GNAQ: variants seen among roughly 807,000 people sequenced by gnomAD.
GNAQ encodes G protein subunit alpha q.
Under a neutral mutation model 43.9 loss-of-function variants are expected in GNAQ, and 8 were observed. The ratio of observed to expected loss-of-function variants is 0.18; its 90% CI spans 0.11 to 0.33. GNAQ has a LOEUF of 0.33. GNAQ is among the 10% of genes least tolerant of loss of function. The pLI is 1.00. For synonymous variants in GNAQ, 155 were observed against 170.7 expected (o/e 0.91, Z 0.71); for missense variants, 158 against 450.8 (o/e 0.35, Z 5.88).
intron 1 of GNAQ, among the ~76,000 whole-genome samples, chr9:77,927,115 C>T (rs991540740): frequency 6.6e-6 from 1 of 152,114 alleles, no homozygotes; most frequent in Admixed American, 6.6e-5. Flanking sequence ...TTTTCTTCCC[C>T]CCAAGATCTT....
rs879529744 is a variant in GNAQ at position 77,822,933 on chromosome 9, GT to G, written c.322-7164del. Among the ~76,000 whole-genome samples the G allele has an allele frequency of 1.1e-3, 165 of 144,372 alleles. 1 individual carries two copies. Among genetic ancestry groups the G allele is most frequent in the East Asian group, 3.2e-3 (16 of 4,998 alleles). The allele number at this position is 144,372 out of a possible 152,430, so 94.7% of individuals were successfully genotyped here. A position where few individuals can be genotyped will look rare whatever the true frequency, so the allele number is the denominator to read the frequency against. ...AACGGTAATGAAGCATTTAGAAGTTGTTTTTTTTTTTTTCTTTGAGAAGGAG... is the reference window on the plus strand; with the variant it reads ...AACGGTAATGAAGCATTTAGAAGTTGTTTTTTTTTTTTCTTTGAGAAGGAG... On this transcript the variant is annotated intron_variant, in intron 2 of 6. Transcript: ENST00000286548.
intron 1 of GNAQ, among the ~76,000 whole-genome samples, chr9:77,974,376 A>G (rs1026749586): frequency 3.3e-5 from 5 of 152,184 alleles, no homozygotes; most frequent in Admixed American, 3.3e-4. Flanking sequence ...TGCATGTCCA[A>G]TCCTGACCAG....
intron 3 of GNAQ, among the ~76,000 whole-genome samples, chr9:77,808,173 T>A (rs1471111890): frequency 6.6e-6 from 1 of 151,918 alleles, no homozygotes; most frequent in Non-Finnish European, 1.5e-5. Context: ...TTAGGCAGAG[T>A]GAAAAAATGA....
At chr9:77,916,955 T>A (rs1265399035) in intron 2 of GNAQ, among the ~76,000 whole-genome samples, 1 of 152,196 alleles carries the variant, frequency 6.6e-6, no homozygotes, top group African/African-American at 2.4e-5. Context: ...ATTTCACAGT[T>A]CATAGAGATT....
chr9:77,909,602 A>C (rs1031416785), intron 2 of GNAQ, among the ~76,000 whole-genome samples: 8 of 152,072 alleles, frequency 5.3e-5, no homozygotes, highest in Non-Finnish European at 7.4e-5. Flanking sequence ...ACTACTGCTC[A>C]TCTCAGCGGG....
intron 5 of GNAQ, among the ~76,000 whole-genome samples, chr9:77,778,210 C>T (rs1263447388): frequency 3.2e-5 from 3 of 94,624 alleles, no homozygotes; most frequent in Middle Eastern, 5.4e-3. Flanking sequence ...TAGTTTTACA[C>T]GTTTACACAC....
At chr9:78,022,558 T>C (rs568789998) in intron 1 of GNAQ, among the ~76,000 whole-genome samples, 30 of 152,324 alleles carry the variant, frequency 2.0e-4, no homozygotes, top group African/African-American at 5.3e-4. Context: ...TTTCACAAAA[T>C]TAGTCTGCCA....
intron 2 of GNAQ, among the ~76,000 whole-genome samples, chr9:77,890,957 T>C (rs1014922492): frequency 6.6e-6 from 1 of 152,180 alleles, no homozygotes; most frequent in Non-Finnish European, 1.5e-5. Context: ...AGTGAGACTC[T>C]GTCTCCCTGG....
chr9:77,923,641 C>T (rs1829028809), intron 1 of GNAQ, among the ~76,000 whole-genome samples: 1 of 152,038 alleles, frequency 6.6e-6, no homozygotes, highest in Admixed American at 6.6e-5. Context: ...CTTTACCTTA[C>T]CCCAAAAATG....
chr9:78,017,149 G>A (rs143838536), intron 1 of GNAQ, among the ~76,000 whole-genome samples: 17 of 152,314 alleles, frequency 1.1e-4, no homozygotes, highest in African/African-American at 3.8e-4. Flanking sequence ...GTACTGTGCT[G>A]ATATTTAACA....
chr9:77,993,136 G>C (rs1201652593), intron 1 of GNAQ, among the ~76,000 whole-genome samples: 1 of 152,122 alleles, frequency 6.6e-6, no homozygotes, highest in Non-Finnish European at 1.5e-5. Flanking sequence ...ATTAAATTCA[G>C]TGCAAGTCAA....
chr9:77,876,561 CAT>C (rs761702375), intron 2 of GNAQ, among the ~76,000 whole-genome samples: 59 of 152,328 alleles, frequency 3.9e-4, no homozygotes, highest in African/African-American at 1.4e-3. Flanking sequence ...GATAAGCAAA[CAT>C]ATCTCCTTTA....
chr9:78,002,537 T>C (rs1823656481), intron 1 of GNAQ, among the ~76,000 whole-genome samples: 1 of 152,214 alleles, frequency 6.6e-6, no homozygotes, highest in Non-Finnish European at 1.5e-5. Flanking sequence ...TACAAGGTCC[T>C]TGATCTCCGC....
At chr9:77,843,289 G>A (rs541027733) in intron 2 of GNAQ, among the ~76,000 whole-genome samples, 9 of 152,280 alleles carry the variant, frequency 5.9e-5, no homozygotes, top group African/African-American at 1.2e-4. Flanking sequence ...AGCATTAGGC[G>A]GGAGGGAGGC....
intron 1 of GNAQ, among the ~76,000 whole-genome samples, chr9:78,003,029 T>C (rs1438949232): frequency 4.6e-5 from 7 of 151,960 alleles, no homozygotes; most frequent in Non-Finnish European, 1.5e-5. Flanking sequence ...ATTTTATGAG[T>C]CAAAGAAAAA....
At chr9:77,986,806 T>C (rs1025803780) in intron 1 of GNAQ, among the ~76,000 whole-genome samples, 2 of 80,186 alleles carry the variant, frequency 2.5e-5, no homozygotes, top group African/African-American at 9.1e-5. Flanking sequence ...CCTGGCCCTT[T>C]TTTTTTTTTT....
At chr9:77,934,086 T>G (rs186546483) in intron 1 of GNAQ, among the ~76,000 whole-genome samples, 1 of 152,286 alleles carries the variant, frequency 6.6e-6, no homozygotes, top group East Asian at 1.9e-4. Context: ...TTATTGCATA[T>G]TCATCAAGAG....
At chr9:77,928,445 A>G (rs1829099567) in intron 1 of GNAQ, among the ~76,000 whole-genome samples, 1 of 152,242 alleles carries the variant, frequency 6.6e-6, no homozygotes, top group South Asian at 2.1e-4. Context: ...AACCAGGACT[A>G]TTAATAATAA....
intron 2 of GNAQ, among the ~76,000 whole-genome samples, chr9:77,909,875 C>G (rs1183664468): frequency 2.0e-5 from 3 of 151,890 alleles, no homozygotes; most frequent in African/African-American, 7.3e-5. Flanking sequence ...TTTTTCTCTC[C>G]TGAAAGGAAA....
Sources: allele counts gnomAD v4.1 joint callset (sites outside exome capture counted in the v4.1 genomes callset), GRCh38; gene constraint gnomAD v4.1.1; transcripts MANE v1.5; gene names NCBI Gene and HGNC (gene_info 2026-07-23, HGNC 2026-07-21).